Variants in SOX5 observed in about 807,000 individuals in gnomAD.
SOX5 encodes the protein SRY-box transcription factor 5, also known as transcription factor SOX-5.
In SOX5, 9 loss-of-function variants were observed where a neutral mutation model predicts 92.0. The observed-to-expected ratio is 0.10, with a 90% CI of 0.06 to 0.17. The LOEUF (loss-of-function observed/expected upper bound fraction) is 0.17. Among genes scored for constraint, SOX5 ranks in the 10% least tolerant of loss-of-function variants. The pLI is 1.00. For missense variants in SOX5, 642 were observed against 944.5 expected (o/e 0.68, Z 4.20); for synonymous variants, 344 against 336.3 (o/e 1.02, Z -0.25).
chr12:24,165,443 T>C (rs1300599188), intron 4 of SOX5, among the ~76,000 whole-genome samples: 1 of 152,196 alleles, frequency 6.6e-6, no homozygotes, highest in Non-Finnish European at 1.5e-5. Flanking sequence ...TATTCTAGAT[T>C]ATTTAGATTT....
At chr12:24,326,994 C>G (rs549346478) in intron 2 of SOX5, among the ~76,000 whole-genome samples, 2 of 152,146 alleles carry the variant, frequency 1.3e-5, no homozygotes, top group Non-Finnish European at 2.9e-5. Flanking sequence ...GCATTTGGCA[C>G]AGCGTCTCAG....
intron 3 of SOX5, among the ~76,000 whole-genome samples, chr12:24,263,081 C>A (rs1376740646): frequency 1.3e-5 from 2 of 151,912 alleles, no homozygotes; most frequent in African/African-American, 4.8e-5. Flanking sequence ...AAAAAATTAG[C>A]CGGACATGAT....
intron 4 of SOX5, among the ~76,000 whole-genome samples, chr12:23,970,160 A>AT (rs1948060904): frequency 6.6e-6 from 1 of 152,116 alleles, no homozygotes; most frequent in South Asian, 2.1e-4. Flanking sequence ...CCAGTCTATC[A>AT]TAAAAAAAGG....
chr12:23,573,599 G>C (rs1948701558), intron 10 of SOX5, among the ~76,000 whole-genome samples: 1 of 152,190 alleles, frequency 6.6e-6, no homozygotes. Context: ...AAAAAGTGTA[G>C]TTGTTCTAAA....
chr12:24,445,561 C>T (rs1436400787), intron 1 of SOX5, among the ~76,000 whole-genome samples: 3 of 152,090 alleles, frequency 2.0e-5, no homozygotes, highest in Non-Finnish European at 4.4e-5. Context: ...TATATCTTAG[C>T]TTGGTTAGGA....
intron 1 of SOX5, among the ~76,000 whole-genome samples, chr12:24,379,762 C>G (rs1957629162): frequency 6.6e-6 from 1 of 151,512 alleles, no homozygotes; most frequent in African/African-American, 2.4e-5. Context: ...ATTTGCCTTC[C>G]TTGTATTCCT....
At chr12:23,937,541 T>G (rs986672362) in intron 1 of SOX5, among the ~76,000 whole-genome samples, 1 of 150,998 alleles carries the variant, frequency 6.6e-6, no homozygotes, top group African/African-American at 2.4e-5. Context: ...TAATTTGACA[T>G]GCACCATAGT....
chr12:23,666,901 C>T (rs1447068065), intron 6 of SOX5, among the ~76,000 whole-genome samples: 2 of 152,116 alleles, frequency 1.3e-5, no homozygotes, highest in African/African-American at 4.8e-5. Flanking sequence ...TCTTGTTTTC[C>T]CAGTCGCATT....
intron 3 of SOX5, among the ~76,000 whole-genome samples, chr12:24,245,591 G>A (rs1456647248): frequency 6.6e-6 from 1 of 152,030 alleles, no homozygotes; most frequent in Non-Finnish European, 1.5e-5. Context: ...AATCTGATTT[G>A]GGGTCTTTGC....
chr12:23,981,026 C>T (rs1377560108), intron 4 of SOX5, among the ~76,000 whole-genome samples: 1 of 152,134 alleles, frequency 6.6e-6, no homozygotes. Context: ...CTTCTGAATT[C>T]CCCAGTAATG....
At chr12:24,384,585 G>A (rs149482515) in intron 1 of SOX5, among the ~76,000 whole-genome samples, 3,689 of 152,246 alleles carry the variant, frequency 0.024, 73 homozygotes, top group East Asian at 0.049. Context: ...ACGGTCCACG[G>A]TAAGAACTAA....
At chr12:24,553,510 A>G (rs1445051733) in intron 1 of SOX5, among the ~76,000 whole-genome samples, 19 of 152,208 alleles carry the variant, frequency 1.2e-4, no homozygotes, top group Admixed American at 6.5e-5. Flanking sequence ...GCAATCATGT[A>G]TGTGGTTGCT....
Position 23,637,319 on chromosome 12 carries a change from G to A in SOX5, c.1017+3493C>T, listed in dbSNP as rs4963706. ...ATCACTACCTACTTAAAACATACACGAACAGATTAAACAAAAACAGAAAAC... is the reference window on the plus strand; with the variant it reads ...ATCACTACCTACTTAAAACATACACAAACAGATTAAACAAAAACAGAAAAC... On this transcript the variant is annotated intron_variant, in intron 8 of 14. Transcript: ENST00000451604. Among the ~76,000 whole-genome samples the A allele has an allele frequency of 8.1e-3, 1,234 of 152,052 alleles. 88 individuals carry two copies. In the East Asian group the frequency reaches 0.19, roughly 23 times the overall value.
intron 3 of SOX5, among the ~76,000 whole-genome samples, chr12:24,222,781 A>C (rs1399287510): frequency 6.6e-6 from 1 of 152,222 alleles, no homozygotes; most frequent in African/African-American, 2.4e-5. Flanking sequence ...ATGCTAAGAA[A>C]CATTTAAAAA....
intron 4 of SOX5, among the ~76,000 whole-genome samples, chr12:23,998,241 GA>G (rs1488073116): frequency 3.9e-5 from 6 of 151,914 alleles, no homozygotes; most frequent in Middle Eastern, 3.4e-3. Context: ...TCAATACAAA[GA>G]TAAAATTACT....
intron 1 of SOX5, among the ~76,000 whole-genome samples, chr12:24,432,675 G>C (rs904778511): frequency 6.6e-6 from 1 of 152,090 alleles, no homozygotes; most frequent in Admixed American, 6.5e-5. Flanking sequence ...AGCTGGGTGT[G>C]GTGGCACACA....
At chr12:24,466,968 C>A (rs4963760) in intron 1 of SOX5, among the ~76,000 whole-genome samples, 40,242 of 152,090 alleles carry the variant, frequency 0.26, 6,510 homozygotes, top group East Asian at 0.72. Flanking sequence ...TTTTTAAATG[C>A]ATTCTGTTTC....
chr12:23,829,865 T>A (rs1020733211), intron 3 of SOX5, among the ~76,000 whole-genome samples: 1 of 152,134 alleles, frequency 6.6e-6, no homozygotes, highest in South Asian at 2.1e-4. Context: ...TACATTTTGT[T>A]AGCAAAAGTA....
intron 2 of SOX5, among the ~76,000 whole-genome samples, chr12:23,846,643 A>T (rs7487235): frequency 6.6e-6 from 1 of 150,710 alleles, no homozygotes; most frequent in Non-Finnish European, 1.5e-5. Context: ...TAATATTTAA[A>T]CAAATATCAT....
Sources: allele counts gnomAD v4.1 joint callset (sites outside exome capture counted in the v4.1 genomes callset), GRCh38; gene constraint gnomAD v4.1.1; transcripts MANE v1.5; gene names NCBI Gene and HGNC (gene_info 2026-07-23, HGNC 2026-07-21).